The following RBFOX1 variants were observed in gnomAD, a reference collection of about 807,000 sequenced individuals.
RBFOX1 encodes RNA binding protein fox-1 homolog 1.
Under a neutral mutation model 57.7 loss-of-function variants are expected in RBFOX1, and 8 were observed. The ratio of observed to expected loss-of-function variants is 0.14; its 90% CI spans 0.08 to 0.25. RBFOX1 has a LOEUF of 0.25. Ranked by LOEUF, RBFOX1 falls within the 10% of genes least tolerant of loss-of-function variation. The pLI is 1.00. For synonymous variants in RBFOX1, 326 were observed against 222.4 expected, an observed-to-expected ratio of 1.47 and a Z score of -4.15; for missense variants, 611 against 548.5, an observed-to-expected ratio of 1.11 and a Z score of -1.14.
chr16:7,637,711 A>T (rs2062003509), intron 11 of RBFOX1, among the ~76,000 whole-genome samples: 2 of 152,172 alleles, frequency 1.3e-5, no homozygotes, highest in African/African-American at 4.8e-5. Context: ...CTCACTTGCC[A>T]GTGTCTGACA....
chr16:5,698,696 C>G (rs2050926711), intron 3 of RBFOX1, among the ~76,000 whole-genome samples: 1 of 152,026 alleles, frequency 6.6e-6, no homozygotes, highest in Admixed American at 6.6e-5. Context: ...GGAAGCAACC[C>G]AAATGTCTAT....
intron 3 of RBFOX1, among the ~76,000 whole-genome samples, chr16:6,846,834 G>A (rs769969065): frequency 6.6e-5 from 10 of 151,760 alleles, no homozygotes; most frequent in Non-Finnish European, 1.2e-4. Context: ...AAGCCTACAG[G>A]ATCTTGGATG....
rs576311292 is a variant in RBFOX1, at chr16:5,400,084, T to C, written c.220-67132T>C. 7.2e-5 allele frequency among the ~76,000 whole-genome samples: 11 copies of C among 152,100 alleles called. No individual in the cohort carries two copies. The East Asian group carries it at 1.7e-3, about 24-fold the overall frequency. On this transcript the variant is annotated intron_variant, in intron 1 of 2. Coordinates refer to the RBFOX1 transcript ENST00000585867. ...TGCTTGCTTTTCTTCTTTCCTTTTCTTTTTTCTTTTCTTTCTTTCTTTCTT... is the reference window on the plus strand; with the variant it reads ...TGCTTGCTTTTCTTCTTTCCTTTTCCTTTTTCTTTTCTTTCTTTCTTTCTT...
At chr16:7,591,209 C>A (rs996714331) in intron 7 of RBFOX1, among the ~76,000 whole-genome samples, 3 of 152,086 alleles carry the variant, frequency 2.0e-5, no homozygotes, top group African/African-American at 7.2e-5. Context: ...GTTGCATGTG[C>A]AAAGATCACT....
chr16:6,850,572 C>T (rs964049257), intron 3 of RBFOX1, among the ~76,000 whole-genome samples: 10 of 152,266 alleles, frequency 6.6e-5, no homozygotes, highest in South Asian at 6.2e-4. Flanking sequence ...GATTATATCC[C>T]TACTGGCCTT....
At chr16:5,501,540 CTGGCTTT>C (rs2043198407) in intron 2 of RBFOX1, among the ~76,000 whole-genome samples, 1 of 151,982 alleles carries the variant, frequency 6.6e-6, no homozygotes, top group South Asian at 2.1e-4. Flanking sequence ...AAATCCAAGG[CTGGCTTT>C]GGCTAAATTA....
chr16:5,661,154 T>A (rs2049634705), intron 3 of RBFOX1, among the ~76,000 whole-genome samples: 1 of 152,234 alleles, frequency 6.6e-6, no homozygotes, highest in South Asian at 2.1e-4. Context: ...TATCTCTTTG[T>A]GACACAAAGT....
At chr16:5,790,418 G>A (rs1012552385) in intron 3 of RBFOX1, among the ~76,000 whole-genome samples, 3 of 151,534 alleles carry the variant, frequency 2.0e-5, no homozygotes, top group African/African-American at 7.3e-5. Flanking sequence ...GGCTTTGTTT[G>A]TGCCTCCTTC....
intron 3 of RBFOX1, among the ~76,000 whole-genome samples, chr16:5,625,025 G>A (rs2048307934): frequency 6.6e-6 from 1 of 152,194 alleles, no homozygotes; most frequent in Non-Finnish European, 1.5e-5. Flanking sequence ...GATACCAGCA[G>A]TCACCCTCCA....
chr16:7,468,759 G>C (rs1558341), intron 4 of RBFOX1, among the ~76,000 whole-genome samples: 146,590 of 152,170 alleles, frequency 0.96, 70,656 homozygotes, highest in East Asian at 1. Context: ...TTAGGAGATT[G>C]TCTGGCTCCT....
At chr16:6,278,139 G>T (rs56872333) in intron 1 of RBFOX1, among the ~76,000 whole-genome samples, 1,816 of 152,194 alleles carry the variant, frequency 0.012, 47 homozygotes, top group African/African-American at 0.042. Context: ...AAGGGACTTT[G>T]TGGAAAGCCA....
At chr16:6,829,797 T>G (rs2092565788) in intron 3 of RBFOX1, among the ~76,000 whole-genome samples, 1 of 152,120 alleles carries the variant, frequency 6.6e-6, no homozygotes, top group African/African-American at 2.4e-5. Context: ...AAATAGGATT[T>G]CGCCACGTTG....
chr16:7,021,994 C>CTCCCCT (rs2039339011), intron 3 of RBFOX1, among the ~76,000 whole-genome samples: 1 of 26,916 alleles, frequency 3.7e-5, no homozygotes, highest in Non-Finnish European at 6.8e-5. Context: ...CCCCTTCCCC[C>CTCCCCT]TCCCCCTCTC....
chr16:6,380,398 ATTTTTTTTTTTTTTTTTTTTTTTT>A (rs60498960), intron 2 of RBFOX1, among the ~76,000 whole-genome samples: 1,750 of 49,120 alleles, frequency 0.036, 127 homozygotes, highest in African/African-American at 0.12. Flanking sequence ...AATGGTGGGG[ATTTTTTTTTTTTTTTTTTTTTTTT>A]TTTTTTTTTT....
rs533718259 is a variant in RBFOX1 at position 5,645,491 on chromosome 16, C to G, written c.318+46530C>G. 1.2e-4 allele frequency among the ~76,000 whole-genome samples: 18 copies of G among 152,254 alleles called. No individual in the cohort carries two copies. The East Asian group carries it at 3.3e-3, about 28-fold the overall frequency. ...ATGTTTGCACACAGCTATGAATATA[C>G]TAAATGCTTATGAATATACTGAATG... On this transcript the variant is annotated intron_variant, in intron 3 of 19. Transcript: ENST00000641259.
Position 6,298,419 on chromosome 16 carries a change from A to G in RBFOX1, c.-126-18576A>G, listed in dbSNP as rs140742064. 1.2e-4 allele frequency among the ~76,000 whole-genome samples: 18 copies of G among 152,318 alleles called. No homozygotes were observed. The East Asian group carries it at 2.9e-3, about 25-fold the overall frequency. On this transcript the variant is annotated intron_variant, in intron 1 of 15. Coordinates refer to ENST00000550418, the MANE Select transcript of RBFOX1 (RefSeq NM_018723.4). Reference sequence around the variant, plus strand: ...CATTGTTATGCACTTCATGTACACAATGCATCCCTAAGACATAAAAAACAA... The same window carrying G: ...CATTGTTATGCACTTCATGTACACAGTGCATCCCTAAGACATAAAAAACAA...
At chr16:7,149,993 A>G (rs1166845246) in intron 4 of RBFOX1, among the ~76,000 whole-genome samples, 2 of 152,138 alleles carry the variant, frequency 1.3e-5, no homozygotes, top group African/African-American at 4.8e-5. Context: ...TTCCTCTGCT[A>G]GAACCCTTCT....
intron 2 of RBFOX1, among the ~76,000 whole-genome samples, chr16:6,571,722 T>C (rs919852881): frequency 2.0e-5 from 3 of 152,148 alleles, no homozygotes; most frequent in African/African-American, 7.2e-5. Flanking sequence ...GAAATATTTA[T>C]TACACAGAGG....
chr16:7,042,199 G>C (rs902345123), intron 3 of RBFOX1, among the ~76,000 whole-genome samples: 1 of 152,210 alleles, frequency 6.6e-6, no homozygotes, highest in African/African-American at 2.4e-5. Context: ...TTGTTTTAGA[G>C]AAACACAAGT....
Sources: allele counts gnomAD v4.1 joint callset (sites outside exome capture counted in the v4.1 genomes callset), GRCh38; gene constraint gnomAD v4.1.1; transcripts MANE v1.5; gene names NCBI Gene and HGNC (gene_info 2026-07-23, HGNC 2026-07-21).